The following DACH1 variants were observed in gnomAD, a reference collection of about 807,000 sequenced individuals.
DACH1 encodes the protein dachshund family transcription factor 1.
In DACH1, 12 loss-of-function variants were observed where a neutral mutation model predicts 54.2. That is an observed-to-expected ratio of 0.22 (90% confidence interval 0.14 to 0.36). The LOEUF (loss-of-function observed/expected upper bound fraction) is 0.36. DACH1 is among the 10% of genes least tolerant of loss of function. DACH1 has a pLI of 1.00. For missense variants in DACH1, 805 were observed against 929.8 expected, an observed-to-expected ratio of 0.87 and a Z score of 1.75; for synonymous variants, 386 against 366.2, an observed-to-expected ratio of 1.05 and a Z score of -0.62.
chr13:71,627,389 G>A (rs938407899), intron 3 of DACH1, among the ~76,000 whole-genome samples: 1 of 150,078 alleles, frequency 6.7e-6, no homozygotes, highest in East Asian at 2.0e-4. Flanking sequence ...AGCTAGATGA[G>A]TGCAGGAGAA....
chr13:71,724,553 A>G (rs1303417256), intron 1 of DACH1, among the ~76,000 whole-genome samples: 1 of 152,198 alleles, frequency 6.6e-6, no homozygotes, highest in Non-Finnish European at 1.5e-5. Context: ...CACTCTTGAT[A>G]TGATACAACT....
intron 1 of DACH1, among the ~76,000 whole-genome samples, chr13:71,784,434 A>C (rs2138075558): frequency 6.6e-6 from 1 of 152,152 alleles, no homozygotes; most frequent in African/African-American, 2.4e-5. Flanking sequence ...AAAATTCATT[A>C]TTTTCGCTCT....
intron 6 of DACH1, among the ~76,000 whole-genome samples, chr13:71,500,622 T>C (rs1879832344): frequency 6.6e-6 from 1 of 152,150 alleles, no homozygotes; most frequent in South Asian, 2.1e-4. Flanking sequence ...CAATAACTGA[T>C]TGACCCAAAG....
chr13:71,798,129 A>T (rs1427310317), intron 1 of DACH1, among the ~76,000 whole-genome samples: 1 of 151,940 alleles, frequency 6.6e-6, no homozygotes, highest in Non-Finnish European at 1.5e-5. Context: ...AAGTAAATTA[A>T]GAAAGAAAGC....
intron 2 of DACH1, among the ~76,000 whole-genome samples, chr13:71,667,985 A>C (rs1879956619): frequency 6.6e-6 from 1 of 152,106 alleles, no homozygotes; most frequent in South Asian, 2.1e-4. Flanking sequence ...AGATAATACA[A>C]AGGGCATTTA....
chr13:71,539,777 G>C (rs112349993), intron 6 of DACH1, among the ~76,000 whole-genome samples: 2,861 of 152,034 alleles, frequency 0.019, 90 homozygotes, highest in African/African-American at 0.065. Flanking sequence ...AAACTTTTAT[G>C]AAAGTACTAT....
intron 3 of DACH1, among the ~76,000 whole-genome samples, chr13:71,598,229 T>A (rs1874247956): frequency 6.6e-6 from 1 of 152,170 alleles, no homozygotes; most frequent in Non-Finnish European, 1.5e-5. Flanking sequence ...AGTATAAATA[T>A]TTTGATAAAT....
intron 1 of DACH1, among the ~76,000 whole-genome samples, chr13:71,785,666 C>T (rs1886560893): frequency 6.6e-6 from 1 of 152,164 alleles, no homozygotes; most frequent in Non-Finnish European, 1.5e-5. Flanking sequence ...TTGCACAAAG[C>T]CTGAAAGGCC....
At chr13:71,529,183 G>GTTTTTTTTTTGTTTGTTTGT (rs1299574030) in intron 6 of DACH1, among the ~76,000 whole-genome samples, 21 of 80,984 alleles carry the variant, frequency 2.6e-4, no homozygotes, top group African/African-American at 9.2e-4. Context: ...TGTGATTTGG[G>GTTTTTTTTTTGTTTGTTTGT]TTTTTTTTTT....
At chr13:71,619,184 A>C (rs141350447) in intron 3 of DACH1, among the ~76,000 whole-genome samples, 28 of 151,988 alleles carry the variant, frequency 1.8e-4, no homozygotes, top group African/African-American at 5.8e-4. Context: ...TGTAACTATA[A>C]AAAAGTATGC....
intron 10 of DACH1, among the ~76,000 whole-genome samples, chr13:71,448,077 C>T (rs1043585338): frequency 1.3e-5 from 2 of 152,128 alleles, no homozygotes; most frequent in Admixed American, 1.3e-4. Context: ...TAATAAATTG[C>T]GTTTTCTGTT....
chr13:71,796,064 T>C (rs573839623), intron 1 of DACH1, among the ~76,000 whole-genome samples: 1 of 152,208 alleles, frequency 6.6e-6, no homozygotes, highest in Non-Finnish European at 1.5e-5. Context: ...CTGGAATGCC[T>C]TGTATTACTG....
At chr13:71,501,711 TTAACTTA>T (rs1879929695) in intron 6 of DACH1, among the ~76,000 whole-genome samples, 2 of 152,310 alleles carry the variant, frequency 1.3e-5, no homozygotes, top group African/African-American at 4.8e-5. Context: ...AAAGATTCTA[TTAACTTA>T]TAACTTATTC....
chr13:71,749,709 G>A (rs1346740692), intron 1 of DACH1, among the ~76,000 whole-genome samples: 1 of 152,142 alleles, frequency 6.6e-6, no homozygotes, highest in Non-Finnish European at 1.5e-5. Context: ...ATTGTAGAGA[G>A]GAACAACACT....
At chr13:71,597,884 A>G (rs2138481358) in intron 3 of DACH1, among the ~76,000 whole-genome samples, 1 of 152,262 alleles carries the variant, frequency 6.6e-6, no homozygotes, top group South Asian at 2.1e-4. Flanking sequence ...TGGAAGGCTG[A>G]GGTGGGCATA....
intron 3 of DACH1, 102 bp from the exon 4 acceptor site, chr13:71,573,114 AT>A: frequency 2.4e-6 from 3 of 1,224,888 alleles, no homozygotes; most frequent in South Asian, 1.6e-5. Context: ...AAGAAACAAT[AT>A]TTTTCCTCTT....
intron 1 of DACH1, among the ~76,000 whole-genome samples, chr13:71,732,452 G>T (rs1387352861): frequency 6.6e-6 from 1 of 151,944 alleles, no homozygotes; most frequent in Non-Finnish European, 1.5e-5. Flanking sequence ...GGGTGTGGTG[G>T]TCGGTACCTG....
intron 3 of DACH1, among the ~76,000 whole-genome samples, chr13:71,620,761 T>A (rs1876174442): frequency 6.6e-6 from 1 of 152,048 alleles, no homozygotes; most frequent in African/African-American, 2.4e-5. Flanking sequence ...TTTATGAGGA[T>A]GATGATGTCT....
intron 3 of DACH1, among the ~76,000 whole-genome samples, chr13:71,601,877 T>C (rs561209308): frequency 3.3e-5 from 5 of 152,042 alleles, no homozygotes; most frequent in Admixed American, 6.6e-5. Flanking sequence ...CTCTTGTACA[T>C]ATTTTATATA....
Sources: allele counts gnomAD v4.1 joint callset (sites outside exome capture counted in the v4.1 genomes callset), GRCh38; gene constraint gnomAD v4.1.1; transcripts MANE v1.5; gene names NCBI Gene and HGNC (gene_info 2026-07-23, HGNC 2026-07-21).